The following LZTR1 variants were observed in gnomAD, a reference collection of about 807,000 sequenced individuals.
The protein encoded by LZTR1 is leucine-zipper-like transcriptional regulator 1.
Under a neutral mutation model 105.7 loss-of-function variants are expected in LZTR1, and 260 were observed. The ratio of observed to expected loss-of-function variants is 2.46; its 90% CI spans 2.22 to 2.72. The LOEUF is 2.72. Ranked by LOEUF, LZTR1 falls within the 30% of genes most tolerant of loss-of-function variation. The pLI, the probability that LZTR1 is intolerant of heterozygous loss-of-function variation, is 0.00. For synonymous variants in LZTR1, 490 were observed against 476.4 expected (o/e 1.03, Z -0.37); for missense variants, 1,214 against 1,166.9 (o/e 1.04, Z -0.59).
chr22:20,996,749 C>G lies in LZTR1; in HGVS notation c.2273C>G (p.Ala758Gly). 2 of 1,613,502 alleles carry G rather than the reference C, an allele frequency of 1.2e-6. No individual in the cohort carries two copies. The highest frequency in any genetic ancestry group is 1.7e-6 in the Non-Finnish European group (2 of 1,180,010). The change falls in exon 19 of 21, where the codon GCG (alanine) becomes GGG (glycine). Residue 758 changes from alanine (A) to glycine (G), a missense_variant. Transcript: ENST00000646124. The stretch of plus-strand genomic sequence containing the variant: ...GGCTTCTACAACAACCGGCTGCAGG[C>G]GTACTGCAAGCAGAACCTGGAGATG... ...YYGFYNNRLQ[A>G]YCKQNLEMNV...
intron 7 of LZTR1, among the ~76,000 whole-genome samples, chr22:20,990,060 C>G (rs1955182838): frequency 6.6e-6 from 1 of 152,092 alleles, no homozygotes; most frequent in African/African-American, 2.4e-5. Context: ...CCCTGGAGCT[C>G]CCCCTGGGCT....
At position 20,992,229 on chromosome 22, in the gene LZTR1, G is replaced by A. The variant is rs2147965382; in HGVS notation, c.1009G>A (p.Val337Met). The A allele has an allele frequency of 1.2e-6, 2 of 1,613,660 alleles. No homozygotes were observed. Among genetic ancestry groups the A allele is most frequent in the South Asian group, 1.1e-5 (1 of 91,060 alleles). ...SSDSEVGGAE[V>M]PERACASEEV... ...CCCTCTTCAGGTTGGTGGGGCTGAA[G>A]TGCCCGAGCGAGCCTGTGCTTCCGA... The change falls in exon 10 of 21, where the codon GTG becomes ATG. Residue 337 changes from valine (V) to methionine (M), a missense_variant. Coordinates refer to ENST00000646124, the MANE Select transcript of LZTR1 (RefSeq NM_006767.4).
chr22:20,997,601 T>G lies in LZTR1; in HGVS notation c.*253T>G. The G allele has an allele frequency of 2.4e-6, 1 of 424,002 alleles. No individual in the cohort carries two copies. The highest frequency in any genetic ancestry group is 3.6e-5 in the Admixed American group (1 of 27,616). The allele number at this position is 424,002 out of a possible 1,614,324, so 26.3% of individuals were successfully genotyped here. A position where few individuals can be genotyped will look rare whatever the true frequency, so the allele number is the denominator to read the frequency against. ...CTGTCATCACCCTCTCCTGGTGTAGTGTGGATGCGAGGCCACGGCTCAGTG... is the reference window on the plus strand; with the variant it reads ...CTGTCATCACCCTCTCCTGGTGTAGGGTGGATGCGAGGCCACGGCTCAGTG... On this transcript the variant is annotated 3_prime_UTR_variant, in exon 21 of 21. Transcript: ENST00000646124.
Position 20,990,785 on chromosome 22 carries a change from C to T in LZTR1, c.791+260C>T, listed in dbSNP as rs1924581933. 2 of 442,634 alleles carry T rather than the reference C, an allele frequency of 4.5e-6. 1 individual carries two copies. 27.4% of individuals were successfully genotyped at this position (442,634 alleles called of 1,614,324 possible). ...TCTGAACGTGAAGGACGTCCCCTTC[C>T]TCGTGAATAGCTTGGTCAGTGCCAC... is the stretch of plus-strand genomic sequence containing the variant. On this transcript the variant is annotated intron_variant, in intron 8 of 20. Coordinates refer to ENST00000646124, the MANE Select transcript of LZTR1 (RefSeq NM_006767.4).
chr22:20,993,501 G>A (rs1223623258), intron 11 of LZTR1, 161 bp from the exon 12 acceptor site: 2 of 614,740 alleles, frequency 3.3e-6, no homozygotes, highest in East Asian at 2.8e-5. Context: ...GTATTTTCAG[G>A]GTGGGGTAGC....
rs921727319 is a variant in LZTR1, at chr22:20,982,476, G to C, written c.105G>C (p.Ser35=). ...GCGTGGACTTCGACCATAGCTGCTCGGACAGTGTCGAGTACCTGACGCTCA... is the reference window on the plus strand; with the variant it reads ...GCGTGGACTTCGACCATAGCTGCTCCGACAGTGTCGAGTACCTGACGCTCA... The part of the protein sequence containing the change: ...APSVDFDHSC[S]DSVEYLTLNF... The change falls in exon 1 of 21, where the codon TCG becomes TCC. Residue 35 remains serine, a synonymous_variant. Coordinates refer to ENST00000646124, the MANE Select transcript of LZTR1 (RefSeq NM_006767.4). 1 of 1,610,964 alleles carries C rather than the reference G, an allele frequency of 6.2e-7. No individual in the cohort carries two copies. The highest frequency in any genetic ancestry group is 1.1e-5 in the South Asian group (1 of 90,380).
At position 20,987,547 on chromosome 22, in the gene LZTR1, T is replaced by A; in HGVS notation, c.364T>A (p.Ser122Thr). Residue 122 changes from serine to threonine, a missense_variant, in exon 4 of 21, where the codon TCG (serine) becomes ACG (threonine). Transcript: ENST00000646124. ...GTPPAPRYHH[S>T]AVVYGSSMFV... ...CCCACCGGCCCCCCGTTACCACCAC[T>A]CGGCCGTCGTCTATGGGAGCAGCAT... 1 of 1,613,900 alleles carries A rather than the reference T, an allele frequency of 6.2e-7. No homozygotes were observed. Among genetic ancestry groups the A allele is most frequent in the Non-Finnish European group, 8.5e-7 (1 of 1,179,966 alleles).
At chr22:20,982,689 G>C in intron 1 of LZTR1, 118 bp downstream of exon 1, 4 of 1,005,364 alleles carry the variant, frequency 4.0e-6, no homozygotes, top group Non-Finnish European at 4.5e-6. Flanking sequence ...TAATGAGGTG[G>C]ATGGTGCTGT....
At chr22:20,990,237 C>A in intron 7 of LZTR1, 149 bp from the exon 8 acceptor site, 4 of 888,612 alleles carry the variant, frequency 4.5e-6, no homozygotes, top group Non-Finnish European at 7.2e-6. Context: ...TGAGACAGGG[C>A]TATGAGCTGT....
intron 5 of LZTR1, 66 bp from the exon 6 acceptor site, chr22:20,988,723 T>TG (rs1482674173): frequency 6.6e-6 from 8 of 1,209,024 alleles, no homozygotes; most frequent in Non-Finnish European, 8.6e-6. Context: ...ACTGACCACA[T>TG]GGGGCTGGGT....
chr22:20,986,481 G>A (rs986655386), intron 3 of LZTR1: 1 of 152,468 alleles, frequency 6.6e-6, no homozygotes, highest in South Asian at 2.1e-4. Flanking sequence ...AGGTAGATTA[G>A]ACAGATAGAT....
chr22:20,992,032 C>T (rs373243522), intron 9 of LZTR1, among the ~76,000 whole-genome samples, 182 bp from the exon 10 acceptor site: 1 of 152,244 alleles, frequency 6.6e-6, no homozygotes, highest in Admixed American at 6.5e-5. Flanking sequence ...AGGTAGTTAA[C>T]GCTTCACACC....
At chr22:20,987,769 G>A (rs1422249037) in intron 4 of LZTR1, among the ~76,000 whole-genome samples, 186 bp downstream of exon 4, 3 of 152,244 alleles carry the variant, frequency 2.0e-5, no homozygotes. Context: ...TAACGGCCCT[G>A]AGCTCACAGG....
intron 5 of LZTR1, 136 bp downstream of exon 5, chr22:20,988,254 C>T (rs1313297310): frequency 1.7e-5 from 11 of 630,924 alleles, no homozygotes; most frequent in Middle Eastern, 3.3e-4. Flanking sequence ...GGTGGAATAT[C>T]CCCCGGTGCA....
At position 20,994,265 on chromosome 22, in the gene LZTR1, G is replaced by A. The variant is rs2147967483; in HGVS notation, c.1611G>A (p.Arg537=). The change falls in exon 14 of 21, where the codon CGG becomes CGA. Residue 537 remains arginine (R), a synonymous_variant. Coordinates refer to ENST00000646124, the MANE Select transcript of LZTR1 (RefSeq NM_006767.4). Reference sequence around the variant, plus strand: ...ACACCGACAAGATCAAATACCCACGGAAAGGTCCGCCTGGGTGGGGGTGGA... The same window carrying A: ...ACACCGACAAGATCAAATACCCACGAAAAGGTCCGCCTGGGTGGGGGTGGA... The part of the protein sequence containing the change: ...FLYTDKIKYP[R]KGHVEDVLLI... The A allele has an allele frequency of 1.3e-6, 2 of 1,597,890 alleles. No individual in the cohort carries two copies. The highest frequency in any genetic ancestry group is 2.2e-5 in the East Asian group (1 of 44,822).
chr22:20,993,420 A>T (rs1453972012), intron 11 of LZTR1: 1 of 579,604 alleles, frequency 1.7e-6, no homozygotes, highest in African/African-American at 1.9e-5. Context: ...AAGGCAAGAG[A>T]GGCAGGGGAG....
Position 20,992,250 on chromosome 22 carries a change from TC to T in LZTR1, c.1032del (p.Glu345ArgfsTer6). 1 of 1,613,944 alleles carries T rather than the reference TC, an allele frequency of 6.2e-7. No homozygotes were observed. Among genetic ancestry groups the T allele is most frequent in the South Asian group, 1.1e-5 (1 of 91,076 alleles). ...TGAAGTGCCCGAGCGAGCCTGTGCTTCCGAGGAGGTGCCCACCCTGACCTAT... is the reference window on the plus strand; with the variant it reads ...TGAAGTGCCCGAGCGAGCCTGTGCTTCGAGGAGGTGCCCACCCTGACCTAT... ...GAEVPERACA[S>X]EEVPTLTYEE... is the part of the protein sequence containing the mutation. On this transcript the variant is annotated frameshift_variant, in exon 10 of 21. Coordinates refer to ENST00000646124, the MANE Select transcript of LZTR1 (RefSeq NM_006767.4). LOFTEE classifies it high-confidence loss of function.
intron 4 of LZTR1, 45 bp from the exon 5 acceptor site, chr22:20,987,965 A>G (rs1569154645): frequency 1.7e-6 from 2 of 1,198,196 alleles, no homozygotes; most frequent in Non-Finnish European, 2.5e-6. Context: ...TGAAATCTCC[A>G]AGACTGCCCT....
At chr22:20,993,850 C>G (rs1924697690) in intron 12 of LZTR1, 74 bp from the exon 13 acceptor site, 1 of 1,569,156 alleles carries the variant, frequency 6.4e-7, no homozygotes, top group Non-Finnish European at 8.7e-7. Flanking sequence ...GTGGTGCTGA[C>G]CTTGGCTGGC....
Sources: allele counts gnomAD v4.1 joint callset (sites outside exome capture counted in the v4.1 genomes callset), GRCh38; gene constraint gnomAD v4.1.1; transcripts MANE v1.5; gene names NCBI Gene and HGNC (gene_info 2026-07-23, HGNC 2026-07-21).